The following TAX1BP1 variants were observed in gnomAD, a reference collection of about 807,000 sequenced individuals.
TAX1BP1 encodes tax1-binding protein 1.
Under a neutral mutation model 97.7 loss-of-function variants are expected in TAX1BP1, and 62 were observed. The observed-to-expected ratio is 0.63, with a 90% confidence interval of 0.52 to 0.78. The LOEUF (loss-of-function observed/expected upper bound fraction) is 0.78. Among genes scored for constraint, TAX1BP1 ranks in the 30% least tolerant of loss-of-function variants. TAX1BP1 has a pLI of 0.00. For missense variants in TAX1BP1, 867 were observed against 916.1 expected, an observed-to-expected ratio of 0.95 and a Z score of 0.69; for synonymous variants, 340 against 304.2, an observed-to-expected ratio of 1.12 and a Z score of -1.23.
chr7:27,742,506 A>T (rs1583658164), intron 1 of TAX1BP1, among the ~76,000 whole-genome samples: 1 of 150,248 alleles, frequency 6.7e-6, no homozygotes, highest in Non-Finnish European at 1.5e-5. Flanking sequence ...GTCATAGATT[A>T]ACAGAATCTC....
chr7:27,792,285 C>G, intron 9 of TAX1BP1, 55 bp downstream of exon 9: 1 of 1,436,182 alleles, frequency 7.0e-7, no homozygotes, highest in Non-Finnish European at 9.6e-7. Flanking sequence ...ACTATAATCT[C>G]ACAAAGTAGT....
chr7:27,827,943 C>T (rs1484625185), intron 16 of TAX1BP1, 123 bp downstream of exon 16: 2 of 716,794 alleles, frequency 2.8e-6, no homozygotes, highest in African/African-American at 1.8e-5. Flanking sequence ...CCAGAAACAC[C>T]AGGCGTAGGC....
At chr7:27,806,300 G>A (rs1218846825) in intron 13 of TAX1BP1, among the ~76,000 whole-genome samples, 1 of 151,748 alleles carries the variant, frequency 6.6e-6, no homozygotes, top group Non-Finnish European at 1.5e-5. Context: ...TGGCTAGGCT[G>A]GTCTCAAACT....
intron 5 of TAX1BP1, among the ~76,000 whole-genome samples, chr7:27,771,453 A>G (rs1049126415): frequency 2.6e-5 from 4 of 151,802 alleles, no homozygotes; most frequent in African/African-American, 9.7e-5. Context: ...GCGGAATGAT[A>G]GGCCTTCATT....
At position 27,828,913 on chromosome 7, in the gene TAX1BP1, T is replaced by C. The variant is rs965884696; in HGVS notation, c.*84T>C. The C allele has an allele frequency of 1.4e-5, 16 of 1,152,726 alleles. No homozygotes were observed. In the African/African-American group the frequency reaches 1.7e-4, roughly 13 times the overall value. 71.4% of individuals were successfully genotyped at this position (1,152,726 alleles called of 1,614,324 possible). A position where few individuals can be genotyped will look rare whatever the true frequency, so the allele number is the denominator to read the frequency against. On this transcript the variant is annotated 3_prime_UTR_variant, in exon 17 of 17. Transcript: ENST00000396319. The stretch of plus-strand genomic sequence containing the variant: ...CTAAAATAGACCACTGAGGAGACCA[T>C]AGAGCGGATGCTTTCATGCACCCTT...
intron 5 of TAX1BP1, among the ~76,000 whole-genome samples, chr7:27,783,954 G>A (rs956903624): frequency 6.6e-6 from 1 of 152,128 alleles, no homozygotes; most frequent in Non-Finnish European, 1.5e-5. Context: ...ACAGTTTTTG[G>A]TTAGTGTTAC....
chr7:27,822,501 G>T (rs936465114), intron 15 of TAX1BP1, among the ~76,000 whole-genome samples: 2 of 152,134 alleles, frequency 1.3e-5, no homozygotes, highest in African/African-American at 4.8e-5. Context: ...CATCAGTAGT[G>T]TATGAGGGTT....
At chr7:27,800,853 C>T (rs1790107164) in intron 13 of TAX1BP1, among the ~76,000 whole-genome samples, 1 of 151,974 alleles carries the variant, frequency 6.6e-6, no homozygotes, top group Admixed American at 6.5e-5. Context: ...GCCGGTAATC[C>T]CAGCACTTTG....
chr7:27,783,939 G>T (rs1031151243), intron 5 of TAX1BP1, among the ~76,000 whole-genome samples: 19 of 151,996 alleles, frequency 1.3e-4, no homozygotes, highest in African/African-American at 4.3e-4. Flanking sequence ...AAAGCATTTT[G>T]TACAACAGTT....
chr7:27,772,364 A>G (rs555117191), intron 5 of TAX1BP1: 5 of 152,162 alleles, frequency 3.3e-5, no homozygotes, highest in African/African-American at 1.2e-4. Flanking sequence ...GGTACTGAGT[A>G]TATAAACTGT....
At chr7:27,757,261 A>C (rs1457793457) in intron 2 of TAX1BP1, among the ~76,000 whole-genome samples, 1 of 152,166 alleles carries the variant, frequency 6.6e-6, no homozygotes, top group African/African-American at 2.4e-5. Flanking sequence ...TATTTAGTCC[A>C]TCTGGAAAAT....
chr7:27,763,479 C>A (rs1210262720), intron 3 of TAX1BP1, among the ~76,000 whole-genome samples: 1 of 151,912 alleles, frequency 6.6e-6, no homozygotes, highest in African/African-American at 2.4e-5. Flanking sequence ...AAGAATCAGA[C>A]CTTGAGGCCG....
chr7:27,760,559 A>AT (rs879355496), intron 3 of TAX1BP1, among the ~76,000 whole-genome samples: 5 of 151,328 alleles, frequency 3.3e-5, no homozygotes, highest in African/African-American at 4.9e-5. Context: ...TGCCTGGCTA[A>AT]TTTTTTTTGT....
intron 3 of TAX1BP1, 112 bp downstream of exon 3, chr7:27,758,245 ATTAG>A (rs947403873): frequency 3.4e-5 from 25 of 729,902 alleles, no homozygotes; most frequent in Non-Finnish European, 5.3e-5. Flanking sequence ...CCAAAGTTGA[ATTAG>A]TTAGTGTCTT....
intron 2 of TAX1BP1, among the ~76,000 whole-genome samples, chr7:27,755,922 G>A (rs147592612): frequency 1.3e-5 from 2 of 152,240 alleles, no homozygotes; most frequent in African/African-American, 4.8e-5. Flanking sequence ...ATTTTTCAAT[G>A]TTTGAAAATT....
Position 27,828,887 on chromosome 7 carries a change from C to A in TAX1BP1, c.*58C>A. ...AGTAAAAAAAAAAAAAAAAACCACA[C>A]CTAAAATAGACCACTGAGGAGACCA... On this transcript the variant is annotated 3_prime_UTR_variant, in exon 17 of 17. Coordinates refer to ENST00000396319, the MANE Select transcript of TAX1BP1 (RefSeq NM_006024.7). 1 of 1,181,980 alleles carries A rather than the reference C, an allele frequency of 8.5e-7. No homozygotes were observed. The highest frequency in any genetic ancestry group is 1.2e-6 in the Non-Finnish European group (1 of 828,332). 73.2% of individuals were successfully genotyped at this position (1,181,980 alleles called of 1,614,324 possible).
intron 15 of TAX1BP1, among the ~76,000 whole-genome samples, chr7:27,818,528 C>T (rs1212063056): frequency 1.3e-5 from 2 of 152,172 alleles, no homozygotes; most frequent in Non-Finnish European, 2.9e-5. Context: ...TAGCCACAGG[C>T]CCCAGCACTT....
At chr7:27,827,661 G>C (rs1459357898) in intron 15 of TAX1BP1, 77 bp from the exon 16 acceptor site, 1 of 1,152,996 alleles carries the variant, frequency 8.7e-7, no homozygotes, top group African/African-American at 1.5e-5. Context: ...TATACTGTCA[G>C]TATGTGCTTG....
intron 1 of TAX1BP1, among the ~76,000 whole-genome samples, chr7:27,745,355 T>C (rs1031032677): frequency 3.9e-5 from 6 of 152,226 alleles, no homozygotes; most frequent in East Asian, 1.9e-4. Context: ...TTTGTAAGCT[T>C]GCCTAAGTCT....
Sources: gnomAD v4.1 joint callset for allele counts (sites outside exome capture counted in the v4.1 genomes callset) on GRCh38, gnomAD v4.1.1 for gene constraint, MANE v1.5 for transcripts, NCBI Gene and HGNC (gene_info 2026-07-23, HGNC 2026-07-21) for gene names.